Variants in CHST12 observed in about 807,000 individuals in gnomAD.
The protein encoded by CHST12 is carbohydrate sulfotransferase 12.
Under a neutral mutation model 27.9 loss-of-function variants are expected in CHST12, and 23 were observed. The observed-to-expected ratio is 0.82, with a 90% CI of 0.59 to 1.17. The LOEUF (loss-of-function observed/expected upper bound fraction) is 1.17. CHST12 is among the 50% of genes most tolerant of loss of function. The probability of loss-of-function intolerance (pLI) is 0.00; values close to 1 mark genes in which losing one functional copy is unlikely to be tolerated. For missense variants in CHST12, 682 were observed against 603.0 expected, an observed-to-expected ratio of 1.13 and a Z score of -1.37; for synonymous variants, 322 against 273.0, an observed-to-expected ratio of 1.18 and a Z score of -1.77.
chr7:2,445,142 C>G lies in CHST12; in HGVS notation c.*11258C>G, dbSNP rs939330267. 6.6e-6 allele frequency: 1 copy of G among 152,216 alleles called. No individual in the cohort carries two copies. The highest frequency in any genetic ancestry group is 1.5e-5 in the Non-Finnish European group (1 of 68,078). The allele number at this position is 152,216 out of a possible 1,614,324, so 9.4% of individuals were successfully genotyped here. On this transcript the variant is annotated 3_prime_UTR_variant, in exon 2 of 2. Transcript: ENST00000618655. ...TTTGATTGAAAACTGGTTTGGTTCT[C>G]AGACATTCCAGAAGCTTCTCCCGGA...
At chr7:2,427,524 A>G (rs1274445186) in intron 1 of CHST12, among the ~76,000 whole-genome samples, 1 of 151,842 alleles carries the variant, frequency 6.6e-6, no homozygotes, top group Non-Finnish European at 1.5e-5. Context: ...AAAAGTTTAC[A>G]CATTTGTTTG....
chr7:2,410,681 G>C (rs1160320731), intron 1 of CHST12, among the ~76,000 whole-genome samples: 1 of 152,124 alleles, frequency 6.6e-6, no homozygotes, highest in Non-Finnish European at 1.5e-5. Flanking sequence ...GGACTGCCCT[G>C]GGATTCCCCA....
chr7:2,417,304 A>T (rs964979947), intron 1 of CHST12, among the ~76,000 whole-genome samples: 5 of 150,050 alleles, frequency 3.3e-5, no homozygotes, highest in African/African-American at 1.2e-4. Context: ...AGCTCACTGC[A>T]ACCTCTGCTT....
Position 2,434,375 on chromosome 7 carries a change from G to A in CHST12, c.*491G>A, listed in dbSNP as rs555489388. On this transcript the variant is annotated 3_prime_UTR_variant, in exon 2 of 2. Coordinates refer to ENST00000618655, the MANE Select transcript of CHST12 (RefSeq NM_018641.5). ...GGGCTTCCTGTTTGAAGTCAAGTCA[G>A]AGGTAAACCGGTCAGTTACAGAAGC... 4 of 169,258 alleles carry A rather than the reference G, an allele frequency of 2.4e-5. No homozygotes were observed. The highest frequency in any genetic ancestry group is 9.6e-5 in the African/African-American group (4 of 41,540). The allele number at this position is 169,258 out of a possible 1,614,324, so 10.5% of individuals were successfully genotyped here.
intron 1 of CHST12, among the ~76,000 whole-genome samples, chr7:2,412,497 T>C (rs776502116): frequency 4.6e-5 from 7 of 152,212 alleles, no homozygotes; most frequent in Non-Finnish European, 8.8e-5. Flanking sequence ...TAAATAAACT[T>C]GAAACATTCT....
chr7:2,413,165 T>C (rs571229388), intron 1 of CHST12, among the ~76,000 whole-genome samples: 1 of 152,372 alleles, frequency 6.6e-6, no homozygotes, highest in South Asian at 2.1e-4. Context: ...ATAAAATGAC[T>C]TGGCCCAGGC....
chr7:2,410,968 G>A (rs550346176), intron 1 of CHST12, among the ~76,000 whole-genome samples: 3 of 152,284 alleles, frequency 2.0e-5, no homozygotes, highest in South Asian at 4.1e-4. Flanking sequence ...TTGCAATAAC[G>A]CAGGTGAGAG....
Position 2,433,618 on chromosome 7 carries a change from C to T in CHST12, c.979C>T (p.Arg327Cys), listed in dbSNP as rs1562521409. 5.0e-6 allele frequency: 8 copies of T among 1,613,654 alleles called. No individual in the cohort carries two copies. Among genetic ancestry groups the T allele is most frequent in the East Asian group, 4.5e-5 (2 of 44,878 alleles). The change falls in exon 2 of 2, where the codon CGC becomes TGC. Residue 327 changes from arginine to cysteine, a missense_variant. By Grantham distance (180) the Arg-to-Cys change is radical. Coordinates refer to ENST00000618655, the MANE Select transcript of CHST12 (RefSeq NM_018641.5). This position sits in a 1 kb window ranked among gnomAD's most constrained non-coding sequence, Gnocchi z 6.1. Reference protein sequence around the residue: ...PFNEHWRQVYRLCHPCQIDYD... With the variant: ...PFNEHWRQVYCLCHPCQIDYD... Reference sequence around the variant, plus strand: ...CAACGAGCACTGGCGGCAGGTGTACCGCCTCTGCCACCCGTGCCAGATCGA... The same window carrying T: ...CAACGAGCACTGGCGGCAGGTGTACTGCCTCTGCCACCCGTGCCAGATCGA...
chr7:2,419,725 A>G (rs1781914691), intron 1 of CHST12, among the ~76,000 whole-genome samples: 1 of 150,894 alleles, frequency 6.6e-6, no homozygotes, highest in Non-Finnish European at 1.5e-5. Flanking sequence ...AAAAAAAAAA[A>G]TTACCATTGT....
rs1782557958 is a variant in CHST12, at chr7:2,439,777, G to A, written c.*5893G>A. On this transcript the variant is annotated 3_prime_UTR_variant, in exon 2 of 2. Coordinates refer to ENST00000618655, the MANE Select transcript of CHST12 (RefSeq NM_018641.5). Reference sequence around the variant, plus strand: ...GCCTGTAGTCCCAGCTACTCGGGAGGCTGAGGCAGGAGAATGGCGTGAACC... The same window carrying A: ...GCCTGTAGTCCCAGCTACTCGGGAGACTGAGGCAGGAGAATGGCGTGAACC... 2 of 151,966 alleles carry A rather than the reference G, an allele frequency of 1.3e-5. No homozygotes were observed. The highest frequency in any genetic ancestry group is 2.9e-5 in the Non-Finnish European group (2 of 68,018). 9.4% of individuals were successfully genotyped at this position (151,966 alleles called of 1,614,324 possible).
chr7:2,408,362 C>CAA (rs56330622), intron 1 of CHST12, among the ~76,000 whole-genome samples: 31 of 116,702 alleles, frequency 2.7e-4, no homozygotes, highest in Non-Finnish European at 4.3e-4. Context: ...GACTCCGTCT[C>CAA]AAAAAAAAAA....
intron 1 of CHST12, among the ~76,000 whole-genome samples, chr7:2,412,972 G>A (rs1255984378): frequency 6.6e-6 from 1 of 151,450 alleles, no homozygotes; most frequent in Non-Finnish European, 1.5e-5. Context: ...ACATATTTGT[G>A]TAACAAATAT....
rs186552093 is a variant in CHST12, at chr7:2,426,652, C to G, written c.-77-5911C>G. On this transcript the variant is annotated intron_variant, in intron 1 of 1. Coordinates refer to ENST00000618655, the MANE Select transcript of CHST12 (RefSeq NM_018641.5). ...TGTAGGTTTTTTTTTTTAAAGCACT[C>G]AGATTGTTGCTAATATTAAAAAAAT... 1.3e-4 allele frequency among the ~76,000 whole-genome samples: 19 copies of G among 151,316 alleles called. No homozygotes were observed. In the East Asian group the frequency reaches 3.5e-3, roughly 28 times the overall value.
chr7:2,436,164 T>G lies in CHST12; in HGVS notation c.*2280T>G, dbSNP rs1782468332. The G allele has an allele frequency of 6.6e-6, 1 of 152,252 alleles. No homozygotes were observed. The highest frequency in any genetic ancestry group is 2.4e-5 in the African/African-American group (1 of 41,462). 9.4% of individuals were successfully genotyped at this position (152,252 alleles called of 1,614,324 possible). Reference sequence around the variant, plus strand: ...AATGTTTAATTTTAAACGTACCATCTTAACCATTGTTAAGTGCACTGTTGT... The same window carrying G: ...AATGTTTAATTTTAAACGTACCATCGTAACCATTGTTAAGTGCACTGTTGT... On this transcript the variant is annotated 3_prime_UTR_variant, in exon 2 of 2. Coordinates refer to ENST00000618655, the MANE Select transcript of CHST12 (RefSeq NM_018641.5).
Position 2,445,015 on chromosome 7 carries a change from A to G in CHST12, c.*11131A>G, listed in dbSNP as rs754393592. ...CTTCCTTCCAGTAGGTTTCCAGAAT[A>G]TTTTGGTTTCAAAATTTGGGGGCAC... On this transcript the variant is annotated 3_prime_UTR_variant, in exon 2 of 2. Coordinates refer to ENST00000618655, the MANE Select transcript of CHST12 (RefSeq NM_018641.5). 5.3e-5 allele frequency: 8 copies of G among 152,180 alleles called. No homozygotes were observed. Among genetic ancestry groups the G allele is most frequent in the Admixed American group, 2.0e-4 (3 of 15,274 alleles). The allele number at this position is 152,180 out of a possible 1,614,324, so 9.4% of individuals were successfully genotyped here.
rs573610248 is a variant in CHST12 at position 2,442,311 on chromosome 7, G to A, written c.*8427G>A. The A allele has an allele frequency of 1.8e-4, 28 of 152,238 alleles. No homozygotes were observed. The highest frequency in any genetic ancestry group is 1.5e-3 in the East Asian group (8 of 5,168). 9.4% of individuals were successfully genotyped at this position (152,238 alleles called of 1,614,324 possible). On this transcript the variant is annotated 3_prime_UTR_variant, in exon 2 of 2. Coordinates refer to ENST00000618655, the MANE Select transcript of CHST12 (RefSeq NM_018641.5). ...GACACCTGGGTTGCTTCCATCTCTCGGCTCTTGTGAATAATGCTGCTGTGA... is the reference window on the plus strand; with the variant it reads ...GACACCTGGGTTGCTTCCATCTCTCAGCTCTTGTGAATAATGCTGCTGTGA...
chr7:2,411,852 A>G (rs1235857611), intron 1 of CHST12, among the ~76,000 whole-genome samples: 1 of 152,206 alleles, frequency 6.6e-6, no homozygotes, highest in Non-Finnish European at 1.5e-5. Flanking sequence ...TCAAATACCT[A>G]TGCAACAAAT....
chr7:2,422,076 C>T (rs142036788), intron 1 of CHST12, among the ~76,000 whole-genome samples: 1 of 152,230 alleles, frequency 6.6e-6, no homozygotes, highest in Non-Finnish European at 1.5e-5. Context: ...TTCTTAGGTA[C>T]AGAATTCGTG....
At chr7:2,406,553 C>T (rs1310582788) in intron 1 of CHST12, among the ~76,000 whole-genome samples, 1 of 151,474 alleles carries the variant, frequency 6.6e-6, no homozygotes, top group Non-Finnish European at 1.5e-5. Context: ...CTGAACAGGG[C>T]ACAGGAGGAG....
Sources: gnomAD v4.1 joint callset for allele counts (sites outside exome capture counted in the v4.1 genomes callset) on GRCh38, gnomAD v4.1.1 for gene constraint, Gnocchi (gnomAD v3.1) non-coding constraint, MANE v1.5 for transcripts, NCBI Gene and HGNC (gene_info 2026-07-23, HGNC 2026-07-21) for gene names.